The following RAPGEF5 variants were observed in gnomAD, a reference collection of about 807,000 sequenced individuals.
The protein encoded by RAPGEF5 is Rap guanine nucleotide exchange factor 5, also known as M-Ras-regulated GEF.
In RAPGEF5, 65 loss-of-function variants were observed where a neutral mutation model predicts 125.2. The ratio of observed to expected loss-of-function variants is 0.52; its 90% confidence interval spans 0.43 to 0.64. RAPGEF5 has a LOEUF of 0.64. RAPGEF5 is among the 30% of genes least tolerant of loss of function. The probability of loss-of-function intolerance (pLI) is 0.00; values close to 1 mark genes in which losing one functional copy is unlikely to be tolerated. For synonymous variants in RAPGEF5, 391 were observed against 385.9 expected (o/e 1.01, Z -0.16); for missense variants, 958 against 1,048.1 (o/e 0.91, Z 1.19).
In RAPGEF5 at chr7:22,193,703, G is replaced by C. The variant is rs138269175; in HGVS notation, c.1115+212C>G. 6.5e-5 allele frequency: 101 copies of C among 1,551,824 alleles called. No individual in the cohort carries two copies. In the East Asian group the frequency reaches 2.4e-3, roughly 38 times the overall value. ...CAAAGGCATCCCCTAAATGCTAAAA[G>C]ATCTTGCCATCCCTGTCCTTTCACT... On this transcript the variant is annotated intron_variant, in intron 10 of 25. Coordinates refer to ENST00000665637, the MANE Select transcript of RAPGEF5 (RefSeq NM_012294.5).
intron 1 of RAPGEF5, among the ~76,000 whole-genome samples, chr7:22,334,814 T>A (rs984759312): frequency 6.6e-5 from 10 of 152,252 alleles, no homozygotes; most frequent in Non-Finnish European, 1.2e-4. Context: ...CCTGGATAGC[T>A]GGATCCAGCT....
At chr7:22,290,464 G>A (rs1285569193) in intron 6 of RAPGEF5, among the ~76,000 whole-genome samples, 2 of 152,170 alleles carry the variant, frequency 1.3e-5, no homozygotes, top group East Asian at 3.8e-4. Flanking sequence ...CACAATGAAA[G>A]GCCGGGCGCG....
intron 1 of RAPGEF5, chr7:22,356,125 A>T: frequency 1.0e-6 from 1 of 985,200 alleles, no homozygotes; most frequent in Non-Finnish European, 1.2e-6. Flanking sequence ...AATACAAAAC[A>T]TGCCTGACCT....
At chr7:22,154,205 A>G (rs1040612132) in intron 17 of RAPGEF5, among the ~76,000 whole-genome samples, 2 of 152,172 alleles carry the variant, frequency 1.3e-5, no homozygotes, top group African/African-American at 4.8e-5. Flanking sequence ...AAATATGAAA[A>G]GCTTTATAAT....
Position 22,120,568 on chromosome 7 carries a change from G to GGAGGGCTTTGGAGGGTTTGCTCA in RAPGEF5, c.*1815_*1837dup, listed in dbSNP as rs1782553808. 6.6e-6 allele frequency: 1 copy of GGAGGGCTTTGGAGGGTTTGCTCA among 152,670 alleles called. No homozygotes were observed. Among genetic ancestry groups the GGAGGGCTTTGGAGGGTTTGCTCA allele is most frequent in the African/African-American group, 2.4e-5 (1 of 41,452 alleles). 9.5% of individuals were successfully genotyped at this position (152,670 alleles called of 1,614,324 possible). ...CATGCTATTGTTAGTAACTGCGTGA[G>GGAGGGCTTTGGAGGGTTTGCTCA]GAGGGCTTTGGAGGGTTTGCTCAGC... On this transcript the variant is annotated 3_prime_UTR_variant, in exon 26 of 26. Transcript: ENST00000665637. This position sits in a 1 kb window ranked among gnomAD's most constrained non-coding sequence, Gnocchi z 4.0.
At chr7:22,137,811 G>A (rs1783124064) in intron 21 of RAPGEF5, among the ~76,000 whole-genome samples, 1 of 152,124 alleles carries the variant, frequency 6.6e-6, no homozygotes, top group South Asian at 2.1e-4. Flanking sequence ...ACAAATGCCA[G>A]CTATTAACAC....
chr7:22,266,814 G>A, intron 7 of RAPGEF5, 150 bp downstream of exon 7: 2 of 662,480 alleles, frequency 3.0e-6, no homozygotes, highest in East Asian at 5.8e-5. Flanking sequence ...TCTGATGGTA[G>A]AACAAATGAT....
chr7:22,133,093 C>A (rs1283703697), intron 23 of RAPGEF5, among the ~76,000 whole-genome samples: 1 of 152,260 alleles, frequency 6.6e-6, no homozygotes, highest in African/African-American at 2.4e-5. Flanking sequence ...TCACTCCCTT[C>A]AGGCAGTCCC....
At position 22,348,824 on chromosome 7, in the gene RAPGEF5, C is replaced by T. The variant is rs141169601; in HGVS notation, c.231+8006G>A. On this transcript the variant is annotated intron_variant, in intron 1 of 25. Transcript: ENST00000665637. ...GTGATGGATTGGGTACGGTGGCTCA[C>T]GCCTGTAATCCCAAAACTTTTGGAG... 3.0e-3 allele frequency among the ~76,000 whole-genome samples: 453 copies of T among 152,306 alleles called. 1 individual carries two copies. Among genetic ancestry groups the T allele is most frequent in the Middle Eastern group, 0.01 (3 of 294 alleles).
At chr7:22,146,796 G>A (rs1783453466) in intron 19 of RAPGEF5, 101 bp downstream of exon 19, 4 of 1,363,154 alleles carry the variant, frequency 2.9e-6, no homozygotes, top group South Asian at 3.1e-5. Flanking sequence ...TTTGGACCAC[G>A]TTATTCTAGC....
chr7:22,131,880 A>C (rs1263341988), intron 23 of RAPGEF5, among the ~76,000 whole-genome samples: 1 of 152,204 alleles, frequency 6.6e-6, no homozygotes, highest in African/African-American at 2.4e-5. Flanking sequence ...AGTTACATTA[A>C]ATAAAGGTAG....
At chr7:22,315,159 C>T (rs935723037) in intron 3 of RAPGEF5, among the ~76,000 whole-genome samples, 1 of 152,270 alleles carries the variant, frequency 6.6e-6, no homozygotes, top group South Asian at 2.1e-4. Flanking sequence ...GCTGGAAATT[C>T]CATACCCTAA....
chr7:22,269,063 G>A (rs188547369), intron 6 of RAPGEF5, among the ~76,000 whole-genome samples: 33 of 150,924 alleles, frequency 2.2e-4, no homozygotes, highest in Admixed American at 1.7e-3. Flanking sequence ...TGAGATTACT[G>A]TACTGTACTA....
intron 6 of RAPGEF5, among the ~76,000 whole-genome samples, chr7:22,269,309 A>C (rs1182927195): frequency 1.3e-5 from 2 of 152,032 alleles, no homozygotes; most frequent in Non-Finnish European, 2.9e-5. Context: ...GCATCTTCAC[A>C]GTTCTTTTTT....
intron 6 of RAPGEF5, among the ~76,000 whole-genome samples, chr7:22,276,020 C>T (rs767272002): frequency 6.6e-6 from 1 of 152,126 alleles, no homozygotes; most frequent in African/African-American, 2.4e-5. Context: ...CTCTTACAAC[C>T]TCTGATTGGT....
At chr7:22,345,483 G>A (rs56392704) in intron 1 of RAPGEF5, among the ~76,000 whole-genome samples, 27,056 of 152,054 alleles carry the variant, frequency 0.18, 2,580 homozygotes, top group Admixed American at 0.23. Context: ...TGAGGCCGCA[G>A]CATATAGAAA....
rs996007308 is a variant in RAPGEF5 at position 22,118,318 on chromosome 7, A to G, written c.*4088T>C. The G allele has an allele frequency of 6.0e-5, 9 of 150,688 alleles. No homozygotes were observed. Among genetic ancestry groups the G allele is most frequent in the Non-Finnish European group, 1.3e-4 (9 of 67,722 alleles). 9.3% of individuals were successfully genotyped at this position (150,688 alleles called of 1,614,324 possible). A position where few individuals can be genotyped will look rare whatever the true frequency, so the allele number is the denominator to read the frequency against. Reference sequence around the variant, plus strand: ...GAGGCATGAATAGTGTCTTTAACATAGTCTCATATTTGGAAAAGCAGTTTT... The same window carrying G: ...GAGGCATGAATAGTGTCTTTAACATGGTCTCATATTTGGAAAAGCAGTTTT... On this transcript the variant is annotated 3_prime_UTR_variant, in exon 26 of 26. Coordinates refer to ENST00000665637, the MANE Select transcript of RAPGEF5 (RefSeq NM_012294.5).
chr7:22,261,824 G>A (rs904396543), intron 7 of RAPGEF5, among the ~76,000 whole-genome samples: 2 of 143,972 alleles, frequency 1.4e-5, no homozygotes, highest in Admixed American at 7.2e-5. Flanking sequence ...CCAACAAATG[G>A]TGCTGAGGTG....
At chr7:22,302,094 C>T (rs1783220691) in intron 5 of RAPGEF5, among the ~76,000 whole-genome samples, 6 of 152,270 alleles carry the variant, frequency 3.9e-5, no homozygotes, top group African/African-American at 1.4e-4. Flanking sequence ...TTGTCTTTTC[C>T]CAGACCCTCT....
Sources: allele counts gnomAD v4.1 joint callset (sites outside exome capture counted in the v4.1 genomes callset), GRCh38; gene constraint gnomAD v4.1.1; non-coding constraint Gnocchi (gnomAD v3.1); transcripts MANE v1.5; gene names NCBI Gene and HGNC (gene_info 2026-07-23, HGNC 2026-07-21).